Variants in GRID2 observed in about 807,000 individuals in gnomAD.
The protein encoded by GRID2 is glutamate receptor ionotropic, delta-2.
Under a neutral mutation model 114.8 loss-of-function variants are expected in GRID2, and 33 were observed. The ratio of observed to expected loss-of-function variants is 0.29; its 90% CI spans 0.22 to 0.38. GRID2 has a LOEUF of 0.38. Among genes scored for constraint, GRID2 ranks in the 10% least tolerant of loss-of-function variants. The probability of loss-of-function intolerance (pLI) is 1.00; values close to 1 mark genes in which losing one functional copy is unlikely to be tolerated. For synonymous variants in GRID2, 505 were observed against 449.9 expected (o/e 1.12, Z -1.55); for missense variants, 1,184 against 1,257.7 (o/e 0.94, Z 0.89).
At chr4:93,580,210 C>G (rs1736830534) in intron 13 of GRID2, among the ~76,000 whole-genome samples, 1 of 152,152 alleles carries the variant, frequency 6.6e-6, no homozygotes, top group Non-Finnish European at 1.5e-5. Flanking sequence ...TGCACAGTCT[C>G]TAGAACTTCT....
At chr4:92,445,502 G>C (rs1207393229) in intron 1 of GRID2, among the ~76,000 whole-genome samples, 1 of 152,170 alleles carries the variant, frequency 6.6e-6, no homozygotes, top group Non-Finnish European at 1.5e-5. Flanking sequence ...AGCTGAAAGA[G>C]TGTTTTAAAA....
intron 2 of GRID2, among the ~76,000 whole-genome samples, chr4:92,612,922 T>A (rs1729826754): frequency 1.3e-5 from 2 of 151,384 alleles, no homozygotes. Context: ...CTTTCTTTTA[T>A]CATTTTTTGG....
intron 14 of GRID2, among the ~76,000 whole-genome samples, chr4:93,632,046 C>T (rs192363634): frequency 6.6e-6 from 1 of 152,272 alleles, no homozygotes; most frequent in Admixed American, 6.5e-5. Flanking sequence ...ATCCTTCACC[C>T]ACTTTTTGAT....
chr4:93,143,659 C>T (rs1028884822), intron 4 of GRID2, among the ~76,000 whole-genome samples: 2 of 152,084 alleles, frequency 1.3e-5, no homozygotes, highest in African/African-American at 4.8e-5. Context: ...TCACATATAT[C>T]ATTAAACTCA....
At chr4:92,910,504 C>T (rs1012490943) in intron 2 of GRID2, among the ~76,000 whole-genome samples, 1 of 152,122 alleles carries the variant, frequency 6.6e-6, no homozygotes, top group Non-Finnish European at 1.5e-5. Flanking sequence ...TTTGTAGAGA[C>T]AGTAGGCCAC....
chr4:92,815,914 C>CAAAAAAAAAAAAAAAAA (rs5860292), intron 2 of GRID2, among the ~76,000 whole-genome samples: 1 of 46,864 alleles, frequency 2.1e-5, no homozygotes, highest in Non-Finnish European at 3.6e-5. Flanking sequence ...GACCCTGTCT[C>CAAAAAAAAAAAAAAAAA]AAAAAAAAAA....
chr4:92,765,748 T>G (rs1738230057), intron 2 of GRID2, among the ~76,000 whole-genome samples: 1 of 152,196 alleles, frequency 6.6e-6, no homozygotes, highest in Non-Finnish European at 1.5e-5. Context: ...CAGAGAGCAC[T>G]AAAGTCTGGT....
chr4:92,932,863 C>T lies in GRID2; in HGVS notation c.245-152132C>T, dbSNP rs146467519. 2.1e-4 allele frequency among the ~76,000 whole-genome samples: 31 copies of T among 151,058 alleles called. No individual in the cohort carries two copies. In the East Asian group the frequency reaches 4.8e-3, roughly 24 times the overall value. ...CTGTATGTATGTGATCTGATTTATA[C>T]GGAATTTGTAAAGTAGGCAAACTAT... is the stretch of plus-strand genomic sequence containing the variant. On this transcript the variant is annotated intron_variant, in intron 2 of 15. Coordinates refer to ENST00000282020, the MANE Select transcript of GRID2 (RefSeq NM_001510.4).
intron 1 of GRID2, among the ~76,000 whole-genome samples, chr4:92,331,072 A>C (rs1726858960): frequency 6.6e-6 from 1 of 152,308 alleles, no homozygotes; most frequent in South Asian, 2.1e-4. Context: ...TCCTACTTGT[A>C]GTTCATAGGA....
intron 2 of GRID2, among the ~76,000 whole-genome samples, chr4:92,994,745 T>C (rs1755098895): frequency 6.6e-6 from 1 of 152,176 alleles, no homozygotes; most frequent in Non-Finnish European, 1.5e-5. Context: ...TGAAAGGCCA[T>C]GTTTTAAAGG....
chr4:93,316,448 G>T (rs535717923), intron 8 of GRID2, among the ~76,000 whole-genome samples: 1 of 152,156 alleles, frequency 6.6e-6, no homozygotes, highest in Admixed American at 6.6e-5. Flanking sequence ...GCCTTTTGTT[G>T]TCATCAGTGT....
At chr4:92,594,766 A>T (rs1037106028) in intron 2 of GRID2, among the ~76,000 whole-genome samples, 5 of 152,000 alleles carry the variant, frequency 3.3e-5, no homozygotes, top group East Asian at 3.9e-4. Context: ...TCTCTTATAA[A>T]TTTTTTCTTC....
chr4:92,376,434 C>T (rs1190777471), intron 1 of GRID2, among the ~76,000 whole-genome samples: 1 of 152,170 alleles, frequency 6.6e-6, no homozygotes, highest in African/African-American at 2.4e-5. Flanking sequence ...CAGGGTATAG[C>T]CTCCATCCTG....
chr4:93,546,471 G>C (rs1199626167), intron 13 of GRID2, among the ~76,000 whole-genome samples: 1 of 152,184 alleles, frequency 6.6e-6, no homozygotes, highest in Admixed American at 6.5e-5. Flanking sequence ...ACCTAGCAAA[G>C]AGGACCAAGG....
At chr4:92,331,369 A>G (rs906047633) in intron 1 of GRID2, among the ~76,000 whole-genome samples, 3 of 152,170 alleles carry the variant, frequency 2.0e-5, no homozygotes, top group Non-Finnish European at 4.4e-5. Context: ...GATCTGTCTT[A>G]CTTTAGTTAG....
At chr4:92,305,448 C>T (rs556588000) in intron 1 of GRID2, among the ~76,000 whole-genome samples, 3 of 152,252 alleles carry the variant, frequency 2.0e-5, no homozygotes, top group South Asian at 2.1e-4. Flanking sequence ...AAACTGACCC[C>T]GGGGCGCTTG....
chr4:93,159,169 G>T (rs1011405032), intron 4 of GRID2, among the ~76,000 whole-genome samples: 1 of 151,534 alleles, frequency 6.6e-6, no homozygotes, highest in African/African-American at 2.4e-5. Flanking sequence ...CAGTGGAAAA[G>T]AATGAAATGG....
rs1252563612 is a variant in GRID2 at position 92,665,835 on chromosome 4, G to A, written c.244+75549G>A. 3.3e-5 allele frequency among the ~76,000 whole-genome samples: 5 copies of A among 151,084 alleles called. No homozygotes were observed. In the East Asian group the frequency reaches 9.7e-4, roughly 29 times the overall value. On this transcript the variant is annotated intron_variant, in intron 2 of 15. Transcript: ENST00000282020. ...TATTATAAATTACTTTTCTATTTAT[G>A]ATTTCCAGATTATTTATTTGCCTTT...
intron 4 of GRID2, among the ~76,000 whole-genome samples, chr4:93,116,052 A>G (rs1215093006): frequency 1.3e-5 from 2 of 152,152 alleles, no homozygotes; most frequent in Non-Finnish European, 2.9e-5. Flanking sequence ...TTATATAATA[A>G]GTGATGATTT....
Sources: allele counts gnomAD v4.1 joint callset (sites outside exome capture counted in the v4.1 genomes callset), GRCh38; gene constraint gnomAD v4.1.1; transcripts MANE v1.5; gene names NCBI Gene and HGNC (gene_info 2026-07-23, HGNC 2026-07-21).